OR7E24: variants seen among roughly 807,000 people sequenced by gnomAD.
OR7E24 encodes the protein olfactory receptor family 7 subfamily E member 24, also known as olfactory receptor 7E24.
For synonymous variants in OR7E24, 130 were observed against 157.5 expected (o/e 0.83, Z 1.31); for missense variants, 385 against 410.3 (o/e 0.94, Z 0.53).
the OR7E24 span, among the ~76,000 whole-genome samples, chr19:9,221,791 A>G: frequency 0.32 from 48,937 of 151,964 alleles, 8,513 homozygotes; most frequent in African/African-American, 0.44. Flanking sequence ...TCTTCACTCT[A>G]CTGTTTCCTT....
the OR7E24 span, among the ~76,000 whole-genome samples, chr19:9,233,839 T>C: frequency 6.6e-6 from 1 of 151,970 alleles, no homozygotes; most frequent in Non-Finnish European, 1.5e-5. Context: ...AATCCGTCCA[T>C]GCAGAAAATA....
the OR7E24 span, chr19:9,214,806 T>A: frequency 6.2e-7 from 1 of 1,610,250 alleles, no homozygotes; most frequent in Non-Finnish European, 8.5e-7. Context: ...GAGGAGAAAT[T>A]TTGATAATTC....
At chr19:9,218,792 C>A in the OR7E24 span, among the ~76,000 whole-genome samples, 1 of 151,992 alleles carries the variant, frequency 6.6e-6, no homozygotes, top group Non-Finnish European at 1.5e-5. Context: ...AGGTGTCAGG[C>A]TTTCTTTTTT....
chr19:9,224,261 C>A, the OR7E24 span, among the ~76,000 whole-genome samples: 1,074 of 152,158 alleles, frequency 7.1e-3, 15 homozygotes, highest in African/African-American at 0.025. Context: ...TCTAATGTTA[C>A]GACTTAGTAG....
chr19:9,239,097 T>G, the OR7E24 span, among the ~76,000 whole-genome samples: 4 of 152,334 alleles, frequency 2.6e-5, no homozygotes, highest in South Asian at 8.3e-4. Flanking sequence ...TTTTCCATAA[T>G]GCAGCACTAA....
the OR7E24 span, chr19:9,235,876 C>T: frequency 6.2e-7 from 1 of 1,607,286 alleles, no homozygotes; most frequent in Non-Finnish European, 8.5e-7. Flanking sequence ...TGGATCTCAC[C>T]TCTGTGTGGT....
the OR7E24 span, among the ~76,000 whole-genome samples, chr19:9,229,062 C>A: frequency 6.6e-6 from 1 of 152,102 alleles, no homozygotes; most frequent in Non-Finnish European, 1.5e-5. Flanking sequence ...ACAGCTTTTA[C>A]ATTTTAATCA....
the OR7E24 span, among the ~76,000 whole-genome samples, chr19:9,231,495 G>A: frequency 1.3e-5 from 2 of 152,164 alleles, no homozygotes; most frequent in East Asian, 1.9e-4. Flanking sequence ...CAGGAGAATC[G>A]CTTGAACCTG....
the OR7E24 span, among the ~76,000 whole-genome samples, chr19:9,239,707 C>CTTTTTTTTTTTTTTTTTTTTTT: frequency 8.1e-6 from 1 of 123,026 alleles, no homozygotes; most frequent in African/African-American, 3.2e-5. Context: ...TTTTCTTTTT[C>CTTTTTTTTTTTTTTTTTTTTTT]TTTTTTTTTT....
upstream of OR7E24, among the ~76,000 whole-genome samples, chr19:9,246,001 A>G (rs906372350): frequency 3.9e-4 from 56 of 141,872 alleles, no homozygotes; most frequent in South Asian, 1.8e-3. Flanking sequence ...GTGTGTATAT[A>G]TATATTTTTT....
At chr19:9,214,297 G>A in the OR7E24 span, 48 of 1,614,174 alleles carry the variant, frequency 3.0e-5, no homozygotes, top group Non-Finnish European at 4.1e-5. Flanking sequence ...ACCTGAGCCG[G>A]TTCACAGAAG....
At chr19:9,222,381 T>C in the OR7E24 span, among the ~76,000 whole-genome samples, 1 of 152,244 alleles carries the variant, frequency 6.6e-6, no homozygotes, top group East Asian at 1.9e-4. Flanking sequence ...ATCTGTAGAT[T>C]GCTTTGGATA....
chr19:9,222,627 T>C, the OR7E24 span, among the ~76,000 whole-genome samples: 10 of 152,280 alleles, frequency 6.6e-5, 1 homozygote, highest in African/African-American at 2.4e-4. Flanking sequence ...ATAGAAACAC[T>C]ATTGATTTTT....
At chr19:9,228,785 TA>T in the OR7E24 span, among the ~76,000 whole-genome samples, 2 of 152,314 alleles carry the variant, frequency 1.3e-5, no homozygotes, top group South Asian at 4.1e-4. Flanking sequence ...AGATGCTGGT[TA>T]AACCACAAAG....
chr19:9,248,194 G>A (rs2066135804), upstream of OR7E24, among the ~76,000 whole-genome samples: 2 of 152,136 alleles, frequency 1.3e-5, no homozygotes, highest in African/African-American at 2.4e-5. Flanking sequence ...GTGATGTTGA[G>A]GATGAGGAGG....
At chr19:9,238,014 T>C in the OR7E24 span, among the ~76,000 whole-genome samples, 1 of 152,164 alleles carries the variant, frequency 6.6e-6, no homozygotes, top group Non-Finnish European at 1.5e-5. Flanking sequence ...TGGTGGTTCA[T>C]GCCTGTAATC....
At chr19:9,250,284 G>A (rs76349537), upstream of OR7E24, among the ~76,000 whole-genome samples, 57 of 152,084 alleles carry the variant, frequency 3.7e-4, no homozygotes, top group African/African-American at 1.4e-3. Flanking sequence ...TTGTAAAGAT[G>A]GGGTTTTGCT....
the OR7E24 span, among the ~76,000 whole-genome samples, chr19:9,232,558 A>G: frequency 1.3e-5 from 2 of 151,344 alleles, no homozygotes; most frequent in African/African-American, 2.4e-5. Context: ...AAAAAAAAAA[A>G]AAGATTCTTC....
At chr19:9,206,624 G>C in the OR7E24 span, 1 of 152,106 alleles carries the variant, frequency 6.6e-6, no homozygotes, top group Admixed American at 6.6e-5. Flanking sequence ...AAGTAAAATT[G>C]TTTTGTTCAA....
Sources: gnomAD v4.1 joint callset for allele counts (sites outside exome capture counted in the v4.1 genomes callset) on GRCh38, gnomAD v4.1.1 for gene constraint, MANE v1.5 for transcripts, NCBI Gene and HGNC (gene_info 2026-07-23, HGNC 2026-07-21) for gene names.